Variants in SLC13A5 observed in about 807,000 individuals in gnomAD.
The protein encoded by SLC13A5 is Na(+)/citrate cotransporter.
In SLC13A5, 25 loss-of-function variants were observed where a neutral mutation model predicts 56.5. The ratio of observed to expected loss-of-function variants is 0.44; its 90% CI spans 0.32 to 0.62. SLC13A5 has a LOEUF of 0.62. SLC13A5 is among the 20% of genes least tolerant of loss of function. The probability of loss-of-function intolerance (pLI) is 0.04; values close to 1 mark genes in which losing one functional copy is unlikely to be tolerated. For missense variants in SLC13A5, 649 were observed against 737.8 expected (o/e 0.88, Z 1.39); for synonymous variants, 307 against 301.5 (o/e 1.02, Z -0.19).
chr17:6,687,828 T>C lies in SLC13A5; in HGVS notation c.1438-162A>G, dbSNP rs562224369. 1 of 871,058 alleles carries C rather than the reference T, an allele frequency of 1.1e-6. No individual in the cohort carries two copies. The highest frequency in any genetic ancestry group is 1.6e-6 in the Non-Finnish European group (1 of 611,180). 54.0% of individuals were successfully genotyped at this position (871,058 alleles called of 1,614,324 possible). ...CACGTCTCTGGCAGATAATTCCACC[T>C]ACGGAACACTGAAGGCTGAGGTCAG... is the stretch of plus-strand genomic sequence containing the variant. On this transcript the variant is annotated intron_variant, in intron 10 of 11. Transcript: ENST00000433363. The surrounding 1 kb of genome is among the most constrained non-coding windows in gnomAD (Gnocchi z 5.0).
rs1396966340 is a variant in SLC13A5, at chr17:6,711,492, G to A, written c.102+1740C>T. Among the ~76,000 whole-genome samples the A allele has an allele frequency of 6.9e-6, 1 of 144,860 alleles. No homozygotes were observed. Among genetic ancestry groups the A allele is most frequent in the Non-Finnish European group, 1.5e-5 (1 of 67,768 alleles). On this transcript the variant is annotated intron_variant, in intron 1 of 11. Coordinates refer to ENST00000433363, the MANE Select transcript of SLC13A5 (RefSeq NM_177550.5). The surrounding 1 kb of genome is among the most constrained non-coding windows in gnomAD (Gnocchi z 4.0). ...TTAGGGTTTCCAGTTCAGGGTGTGT[G>A]TGTGTGTGTGTGTGTATGTGTATGT...
chr17:6,693,224 CA>C, intron 8 of SLC13A5, 62 bp from the exon 9 acceptor site: 2 of 840,600 alleles, frequency 2.4e-6, no homozygotes, highest in South Asian at 3.6e-5. Flanking sequence ...CACACACACA[CA>C]CACACCAGAG....
At chr17:6,709,795 C>T (rs1973970931) in intron 1 of SLC13A5, among the ~76,000 whole-genome samples, 1 of 152,136 alleles carries the variant, frequency 6.6e-6, no homozygotes, top group Non-Finnish European at 1.5e-5. Flanking sequence ...ACGAGCAAAC[C>T]AGGGCACCTC....
intron 6 of SLC13A5, among the ~76,000 whole-genome samples, chr17:6,699,655 G>C (rs1029451604): frequency 2.6e-5 from 4 of 152,166 alleles, no homozygotes; most frequent in Non-Finnish European, 5.9e-5. Flanking sequence ...ATTTTTAGTA[G>C]AGATGGGGTT....
In SLC13A5 at chr17:6,687,659, G is replaced by A. The variant is rs1236635295; in HGVS notation, c.1445C>T (p.Ser482Phe). Residue 482 changes from serine (S) to phenylalanine (F), a missense_variant, in exon 11 of 12, where the codon TCC becomes TTC. Coordinates refer to ENST00000433363, the MANE Select transcript of SLC13A5 (RefSeq NM_177550.5). This position sits in a 1 kb window ranked among gnomAD's most constrained non-coding sequence, Gnocchi z 5.0. ...FLPIFASMSR[S>F]IGLNPLYIML... Reference sequence around the variant, plus strand: ...GATGTACAGCGGATTGAGGCCGATGGAGCGAGACTGCGGAAAAACAGCACT... The same window carrying A: ...GATGTACAGCGGATTGAGGCCGATGAAGCGAGACTGCGGAAAAACAGCACT... The A allele has an allele frequency of 6.3e-7, 1 of 1,596,604 alleles. No homozygotes were observed. The highest frequency in any genetic ancestry group is 8.5e-7 in the Non-Finnish European group (1 of 1,172,420).
At chr17:6,690,392 TC>T (rs1973374587) in intron 10 of SLC13A5, among the ~76,000 whole-genome samples, 1 of 152,204 alleles carries the variant, frequency 6.6e-6, no homozygotes, top group African/African-American at 2.4e-5. Context: ...TCCTGGGGTT[TC>T]CAGCCAGTGG....
chr17:6,690,096 C>CAAAAAAAAAAA (rs1567614272), intron 10 of SLC13A5: 1 of 72,160 alleles, frequency 1.4e-5, no homozygotes, highest in African/African-American at 5.1e-5. Context: ...AAAAAAAAAA[C>CAAAAAAAAAAA]CATAGCCACT....
At position 6,713,083 on chromosome 17, in the gene SLC13A5, G is replaced by A; in HGVS notation, c.102+149C>T. 1 of 728,748 alleles carries A rather than the reference G, an allele frequency of 1.4e-6. No individual in the cohort carries two copies. The highest frequency in any genetic ancestry group is 2.8e-5 in the East Asian group (1 of 36,262). 45.1% of individuals were successfully genotyped at this position (728,748 alleles called of 1,614,324 possible). ...ATTCTTTACAGGGCACCTCCCATCC[G>A]GCACCTGGAGCTCCTGAGTGCGCGC... is the stretch of plus-strand genomic sequence containing the variant. On this transcript the variant is annotated intron_variant, in intron 1 of 11. Coordinates refer to ENST00000433363, the MANE Select transcript of SLC13A5 (RefSeq NM_177550.5). The surrounding 1 kb of genome is among the most constrained non-coding windows in gnomAD (Gnocchi z 7.3).
chr17:6,690,630 G>A, intron 10 of SLC13A5, 149 bp downstream of exon 10: 3 of 1,093,136 alleles, frequency 2.7e-6, no homozygotes, highest in Non-Finnish European at 4.1e-6. Context: ...GAGGCATCCA[G>A]GGTCCACAAA....
chr17:6,707,957 T>C (rs940361943), intron 1 of SLC13A5, among the ~76,000 whole-genome samples: 1 of 141,936 alleles, frequency 7.0e-6, no homozygotes, highest in African/African-American at 2.7e-5. Flanking sequence ...TAGGTTGTTT[T>C]ATGTTTCATC....
At chr17:6,703,208 C>T (rs1973765681) in intron 4 of SLC13A5, 70 bp from the exon 5 acceptor site, 1 of 1,574,960 alleles carries the variant, frequency 6.3e-7, no homozygotes, top group East Asian at 2.2e-5. Flanking sequence ...GGTCCTGACT[C>T]TGCTGCTGAC....
chr17:6,706,443 C>T (rs1973865250), intron 3 of SLC13A5, among the ~76,000 whole-genome samples, 199 bp downstream of exon 3: 1 of 152,228 alleles, frequency 6.6e-6, no homozygotes, highest in Non-Finnish European at 1.5e-5. Flanking sequence ...CCCTTACTTA[C>T]TGCTGCTCAC....
At chr17:6,710,230 G>A (rs911128988) in intron 1 of SLC13A5, among the ~76,000 whole-genome samples, 7 of 152,228 alleles carry the variant, frequency 4.6e-5, no homozygotes, top group East Asian at 1.9e-4. Context: ...ATGAGAGGGC[G>A]CATTGGAGAG....
At position 6,687,221 on chromosome 17, in the gene SLC13A5, T is replaced by C. The variant is rs975308651; in HGVS notation, c.1575+308A>G. ...CTTGCTAATTTGTCAAGTTCATCCT[T>C]GGCCATATGAGTCCCTCAGCCCCAC... On this transcript the variant is annotated intron_variant, in intron 11 of 11. Coordinates refer to ENST00000433363, the MANE Select transcript of SLC13A5 (RefSeq NM_177550.5). This position sits in a 1 kb window ranked among gnomAD's most constrained non-coding sequence, Gnocchi z 5.0. The C allele has an allele frequency of 2.8e-5, 9 of 326,866 alleles. No individual in the cohort carries two copies. The highest frequency in any genetic ancestry group is 4.5e-5 in the Non-Finnish European group (8 of 178,204). 20.2% of individuals were successfully genotyped at this position (326,866 alleles called of 1,614,324 possible).
Position 6,706,667 on chromosome 17 carries a change from G to A in SLC13A5, c.343C>T (p.Leu115Phe), listed in dbSNP as rs770390768. 4 of 1,613,758 alleles carry A rather than the reference G, an allele frequency of 2.5e-6. No individual in the cohort carries two copies. In the East Asian group the frequency reaches 8.9e-5, roughly 36 times the overall value. The part of the protein sequence containing the change: ...LHKRIALRTL[L>F]WVGAKPARLM... ...CGTGCAGGCTTGGCCCCCACCCAGAGGAGCGTGCGCAGGGCGATCCTCTTG... is the reference window on the plus strand; with the variant it reads ...CGTGCAGGCTTGGCCCCCACCCAGAAGAGCGTGCGCAGGGCGATCCTCTTG... Residue 115 changes from leucine to phenylalanine, a missense_variant, in exon 3 of 12, where the codon CTC (leucine) becomes TTC (phenylalanine). By Grantham distance (22) the Leu-to-Phe change is conservative. Coordinates refer to ENST00000433363, the MANE Select transcript of SLC13A5 (RefSeq NM_177550.5).
At chr17:6,693,206 C>CACAT (rs1482125331) in intron 8 of SLC13A5, 44 bp from the exon 9 acceptor site, 2 of 938,244 alleles carry the variant, frequency 2.1e-6, no homozygotes, top group African/African-American at 3.3e-5. Context: ...CACACACACA[C>CACAT]ACACACACAC....
intron 6 of SLC13A5, among the ~76,000 whole-genome samples, chr17:6,697,297 A>G (rs1973587408): frequency 6.6e-6 from 1 of 152,172 alleles, no homozygotes; most frequent in African/African-American, 2.4e-5. Flanking sequence ...TGGTATTACT[A>G]GTGGCCCAGG....
chr17:6,707,896 G>A (rs1043306848), intron 1 of SLC13A5, among the ~76,000 whole-genome samples: 4 of 152,172 alleles, frequency 2.6e-5, no homozygotes, highest in African/African-American at 9.7e-5. Flanking sequence ...TACCCCTAAA[G>A]CTATTGAAAT....
chr17:6,699,112 G>T (rs976552541), intron 6 of SLC13A5, among the ~76,000 whole-genome samples: 78 of 144,076 alleles, frequency 5.4e-4, no homozygotes, highest in African/African-American at 1.7e-3. Flanking sequence ...ATAAAATAAA[G>T]AAAGGAAAAG....
Sources: allele counts gnomAD v4.1 joint callset (sites outside exome capture counted in the v4.1 genomes callset), GRCh38; gene constraint gnomAD v4.1.1; non-coding constraint Gnocchi (gnomAD v3.1); transcripts MANE v1.5; gene names NCBI Gene and HGNC (gene_info 2026-07-23, HGNC 2026-07-21).